The following TTC29 variants were observed in gnomAD, a reference collection of about 807,000 sequenced individuals.
TTC29 encodes tetratricopeptide repeat domain 29, also known as tetratricopeptide repeat protein 29.
TTC29 carries 49 observed loss-of-function variants against 58.1 expected under a neutral mutation model. The observed-to-expected ratio is 0.84, with a 90% CI of 0.67 to 1.07. The LOEUF (loss-of-function observed/expected upper bound fraction) is 1.07. Ranked by LOEUF, TTC29 falls within the 50% of genes least tolerant of loss-of-function variation. TTC29 has a pLI of 0.00. For missense variants in TTC29, 582 were observed against 555.6 expected (o/e 1.05, Z -0.48); for synonymous variants, 209 against 196.8 (o/e 1.06, Z -0.52).
intron 6 of TTC29, among the ~76,000 whole-genome samples, chr4:146,896,816 C>A (rs1732800684): frequency 6.6e-6 from 1 of 152,100 alleles, no homozygotes; most frequent in Admixed American, 6.6e-5. Context: ...CCTTAATTCT[C>A]CCAGGACATT....
At chr4:146,870,413 C>A (rs555599813) in intron 7 of TTC29, among the ~76,000 whole-genome samples, 9 of 151,864 alleles carry the variant, frequency 5.9e-5, no homozygotes. Context: ...TAAGAAAGTT[C>A]TTTCCACCTT....
intron 11 of TTC29, among the ~76,000 whole-genome samples, chr4:146,788,584 T>A (rs1374302611): frequency 6.6e-6 from 1 of 151,684 alleles, no homozygotes; most frequent in African/African-American, 2.4e-5. Context: ...TAATAATAGT[T>A]CGAAAATGCT....
At chr4:146,935,997 A>G (rs1735785726) in intron 4 of TTC29, among the ~76,000 whole-genome samples, 1 of 152,180 alleles carries the variant, frequency 6.6e-6, no homozygotes, top group South Asian at 2.1e-4. Context: ...ATCAATCAAA[A>G]GCATAATAAT....
At chr4:146,776,165 C>G (rs754708070) in intron 11 of TTC29, among the ~76,000 whole-genome samples, 1 of 152,106 alleles carries the variant, frequency 6.6e-6, no homozygotes, top group Non-Finnish European at 1.5e-5. Context: ...CTTAAAATGG[C>G]CATTTCATCT....
At chr4:146,739,151 G>C (rs1744934462) in intron 11 of TTC29, among the ~76,000 whole-genome samples, 1 of 152,116 alleles carries the variant, frequency 6.6e-6, no homozygotes, top group African/African-American at 2.4e-5. Context: ...GAGATAACTA[G>C]ATTATATAAA....
intron 6 of TTC29, among the ~76,000 whole-genome samples, chr4:146,884,461 A>G (rs1276559453): frequency 6.6e-6 from 1 of 152,088 alleles, no homozygotes; most frequent in African/African-American, 2.4e-5. Flanking sequence ...GTATATTACA[A>G]TCATCAATGC....
intron 11 of TTC29, among the ~76,000 whole-genome samples, chr4:146,734,895 C>G (rs1001479017): frequency 6.6e-6 from 1 of 151,812 alleles, no homozygotes; most frequent in Admixed American, 6.6e-5. Context: ...TCCTCGGTGG[C>G]CACGTGGTCA....
intron 8 of TTC29, among the ~76,000 whole-genome samples, 199 bp downstream of exon 8, chr4:146,867,299 C>A (rs1730625579): frequency 6.6e-6 from 1 of 152,072 alleles, no homozygotes. Flanking sequence ...TGATTACATA[C>A]CACTGTACCT....
At chr4:146,830,589 G>T (rs1032214727) in intron 9 of TTC29, among the ~76,000 whole-genome samples, 1 of 152,114 alleles carries the variant, frequency 6.6e-6, no homozygotes, top group African/African-American at 2.4e-5. Context: ...AATTGCACAG[G>T]TTAGGAAAAA....
intron 11 of TTC29, among the ~76,000 whole-genome samples, chr4:146,796,910 T>G (rs1749870107): frequency 6.6e-6 from 1 of 152,102 alleles, no homozygotes; most frequent in Non-Finnish European, 1.5e-5. Context: ...GGCCCCTTTG[T>G]GCAGTAGGCT....
intron 1 of TTC29, chr4:146,945,500 G>A: frequency 6.6e-6 from 1 of 152,434 alleles, no homozygotes; most frequent in Non-Finnish European, 1.5e-5. Flanking sequence ...AGGTGAACTG[G>A]GGAGCAAGAG....
chr4:146,803,643 CAA>C lies in TTC29; in HGVS notation c.1142_1143del (p.Phe381Ter), dbSNP rs747107864. The C allele has an allele frequency of 1.1e-5, 17 of 1,601,982 alleles. No individual in the cohort carries two copies. The highest frequency in any genetic ancestry group is 1.5e-5 in the Non-Finnish European group (17 of 1,171,946). On this transcript the variant is annotated frameshift_variant, in exon 11 of 13. Coordinates refer to ENST00000325106, the MANE Select transcript of TTC29 (RefSeq NM_031956.4). LOFTEE classifies it high-confidence loss of function. ...NKASECFQQAFDTTVELMSMP... is the reference protein window; with the variant it reads ...NKASECFQQAXDTTVELMSMP... ...ATGCTCATTAGCTCTACTGTTGTGT[CAA>C]AAGCTTGCTGAAAGCATTCAGAAGC...
chr4:146,736,932 T>C lies in TTC29; in HGVS notation c.1331-29381A>G, dbSNP rs1481904288. Among the ~76,000 whole-genome samples the C allele has an allele frequency of 5.9e-5, 9 of 152,282 alleles. No individual in the cohort carries two copies. The East Asian group carries it at 1.5e-3, about 26-fold the overall frequency. The stretch of plus-strand genomic sequence containing the variant: ...CTCTGTGAGGTGCTGCTGGATTCTA[T>C]TGACACTTAGTGCACTATGAACAGC... On this transcript the variant is annotated intron_variant, in intron 11 of 12. Coordinates refer to ENST00000325106, the MANE Select transcript of TTC29 (RefSeq NM_031956.4).
At chr4:146,890,461 T>C (rs1272523517) in intron 6 of TTC29, among the ~76,000 whole-genome samples, 6 of 151,430 alleles carry the variant, frequency 4.0e-5, no homozygotes, top group African/African-American at 1.5e-4. Flanking sequence ...GGGCTGGAGG[T>C]AGAAAGGCCC....
At position 146,939,851 on chromosome 4, in the gene TTC29, T is replaced by C. The variant is rs748483894; in HGVS notation, c.45A>G (p.Thr15=). 6.2e-7 allele frequency: 1 copy of C among 1,613,498 alleles called. No homozygotes were observed. The highest frequency in any genetic ancestry group is 1.1e-5 in the South Asian group (1 of 90,924). The stretch of plus-strand genomic sequence containing the variant: ...AAGGCAGCTTCTGTCTGGCTAAGGC[T>C]GTAAGCTTCGGGCGTGTCATGGGCA... The part of the protein sequence containing the change: ...PPLPMTRPKL[T]ALARQKLPCS... Residue 15 remains threonine, a synonymous_variant, in exon 3 of 13, where the codon ACA becomes ACG. Transcript: ENST00000325106.
intron 10 of TTC29, among the ~76,000 whole-genome samples, chr4:146,815,333 G>A (rs139345836): frequency 4.6e-5 from 7 of 152,256 alleles, no homozygotes; most frequent in East Asian, 1.9e-4. Context: ...ATATGGAGCC[G>A]GGGGAGAGGA....
chr4:146,856,820 G>T (rs1239868844), intron 8 of TTC29, among the ~76,000 whole-genome samples: 1 of 151,466 alleles, frequency 6.6e-6, no homozygotes, highest in Non-Finnish European at 1.5e-5. Context: ...TCTATTCTGT[G>T]ATCTTTACTA....
At chr4:146,768,035 T>C (rs1747458026) in intron 11 of TTC29, among the ~76,000 whole-genome samples, 1 of 152,086 alleles carries the variant, frequency 6.6e-6, no homozygotes, top group Non-Finnish European at 1.5e-5. Context: ...CCAATTTTCA[T>C]TTTCTTTCCA....
chr4:146,921,474 G>T (rs1422156806), intron 4 of TTC29, among the ~76,000 whole-genome samples: 1 of 150,988 alleles, frequency 6.6e-6, no homozygotes, highest in Non-Finnish European at 1.5e-5. Context: ...TTTTTCTTTT[G>T]TATTACCATA....
Sources: allele counts gnomAD v4.1 joint callset (sites outside exome capture counted in the v4.1 genomes callset), GRCh38; gene constraint gnomAD v4.1.1; transcripts MANE v1.5; gene names NCBI Gene and HGNC (gene_info 2026-07-23, HGNC 2026-07-21).